The following RANBP2 variants were observed in gnomAD, a reference collection of about 807,000 sequenced individuals.
The protein encoded by RANBP2 is RAN binding protein 2.
Under a neutral mutation model 303.6 loss-of-function variants are expected in RANBP2, and 57 were observed. The observed-to-expected ratio is 0.19, with a 90% CI of 0.15 to 0.23. The LOEUF (loss-of-function observed/expected upper bound fraction) is 0.23, where lower values mean the gene tolerates loss of function less well. RANBP2 is among the 10% of genes least tolerant of loss of function. RANBP2 has a pLI of 1.00. For missense variants in RANBP2, 3,138 were observed against 3,780.8 expected (o/e 0.83, Z 4.46); for synonymous variants, 1,167 against 1,301.5 (o/e 0.90, Z 2.23).
chr2:109,332,203 A>C, the RANBP2 span, among the ~76,000 whole-genome samples: 1 of 152,146 alleles, frequency 6.6e-6, no homozygotes, highest in East Asian at 1.9e-4. Flanking sequence ...AAGCTGCCTC[A>C]TGGGACCCCT....
the RANBP2 span, among the ~76,000 whole-genome samples, chr2:109,538,521 C>T: frequency 1.3e-5 from 2 of 152,104 alleles, no homozygotes; most frequent in Non-Finnish European, 2.9e-5. Context: ...AACTTTATGC[C>T]GTGTCTTTTA....
chr2:109,664,834 G>T, the RANBP2 span, among the ~76,000 whole-genome samples: 3 of 151,832 alleles, frequency 2.0e-5, no homozygotes, highest in Non-Finnish European at 2.9e-5. Flanking sequence ...GGAGGCTGAG[G>T]CAGGAGAACT....
At chr2:108,757,421 C>T (rs1007552959) in intron 17 of RANBP2, among the ~76,000 whole-genome samples, 58 of 152,140 alleles carry the variant, frequency 3.8e-4, no homozygotes, top group African/African-American at 1.2e-3. Flanking sequence ...TCCCTGCATC[C>T]GTTTCTCTCA....
chr2:108,848,269 ATATT>A, the RANBP2 span, among the ~76,000 whole-genome samples: 1 of 152,332 alleles, frequency 6.6e-6, no homozygotes. Context: ...GCAATAAGGG[ATATT>A]TATGTGAAAT....
the RANBP2 span, chr2:109,449,522 C>G: frequency 6.2e-7 from 1 of 1,603,418 alleles, no homozygotes; most frequent in Non-Finnish European, 8.5e-7. Context: ...GCCCTGGGCT[C>G]GAGGCCAGCT....
At chr2:109,078,085 TATATA>T in the RANBP2 span, among the ~76,000 whole-genome samples, 79 of 11,434 alleles carry the variant, frequency 6.9e-3, 2 homozygotes, top group South Asian at 0.021. Flanking sequence ...TGAATATATA[TATATA>T]TATATATATA....
At chr2:108,723,497 G>T (rs2149070285) in intron 1 of RANBP2, among the ~76,000 whole-genome samples, 1 of 151,854 alleles carries the variant, frequency 6.6e-6, no homozygotes, top group East Asian at 1.9e-4. Context: ...GGATAGTCTC[G>T]ATCTCCTGAC....
At chr2:108,935,937 T>C in the RANBP2 span, among the ~76,000 whole-genome samples, 4 of 152,188 alleles carry the variant, frequency 2.6e-5, no homozygotes, top group African/African-American at 9.7e-5. Flanking sequence ...CCTTCACCCT[T>C]GGTGGTGTGG....
At chr2:109,060,324 C>G in the RANBP2 span, among the ~76,000 whole-genome samples, 1 of 152,172 alleles carries the variant, frequency 6.6e-6, no homozygotes, top group Non-Finnish European at 1.5e-5. Context: ...ACTCGATCTC[C>G]TGGAGTCCTT....
chr2:109,430,184 T>A, the RANBP2 span, among the ~76,000 whole-genome samples: 1 of 152,222 alleles, frequency 6.6e-6, no homozygotes, highest in Non-Finnish European at 1.5e-5. Flanking sequence ...CTGAGTTGCA[T>A]ACTGTTGCCC....
At chr2:109,053,926 G>A in the RANBP2 span, among the ~76,000 whole-genome samples, 1 of 152,170 alleles carries the variant, frequency 6.6e-6, no homozygotes, top group East Asian at 1.9e-4. Context: ...AGTCCAGAGG[G>A]CACCAGGGGC....
the RANBP2 span, among the ~76,000 whole-genome samples, chr2:109,402,527 C>T: frequency 6.6e-6 from 1 of 152,238 alleles, no homozygotes; most frequent in Non-Finnish European, 1.5e-5. Flanking sequence ...AGGCCCGCAG[C>T]CCCAGGCTCC....
the RANBP2 span, among the ~76,000 whole-genome samples, chr2:109,627,098 T>TCAC: frequency 6.6e-6 from 1 of 151,994 alleles, no homozygotes; most frequent in African/African-American, 2.4e-5. Context: ...TTCCAAGCTA[T>TCAC]AGTGTGCAAT....
At chr2:108,930,659 G>A in the RANBP2 span, among the ~76,000 whole-genome samples, 2 of 152,164 alleles carry the variant, frequency 1.3e-5, no homozygotes, top group Non-Finnish European at 2.9e-5. Context: ...TTTCTTAGCT[G>A]CGCGGCCCCC....
chr2:108,764,826 A>C lies in RANBP2; in HGVS notation c.4287A>C (p.Glu1429Asp), dbSNP rs372284573. 3 of 1,613,978 alleles carry C rather than the reference A, an allele frequency of 1.9e-6. No homozygotes were observed. The highest frequency in any genetic ancestry group is 2.2e-5 in the East Asian group (1 of 44,894). The change falls in exon 20 of 29, where the codon GAA becomes GAC. Residue 1429 changes from glutamate (E) to aspartate (D), a missense_variant. Physicochemically the swap from Glu to Asp is conservative, Grantham distance 45. Coordinates refer to ENST00000283195, the MANE Select transcript of RANBP2 (RefSeq NM_006267.5). ...WDCSICLVRN[E>D]PTVSRCIACQ... is the part of the protein sequence containing the mutation. ...GTAGTATTTGTTTAGTAAGAAATGA[A>C]CCTACTGTATCTAGGTGCATTGCGT...
the RANBP2 span, among the ~76,000 whole-genome samples, chr2:109,039,909 C>G: frequency 6.6e-6 from 1 of 151,658 alleles, no homozygotes; most frequent in African/African-American, 2.4e-5. Context: ...AAATGTATTC[C>G]CTTGCAGCTT....
At chr2:108,902,807 G>C in the RANBP2 span, among the ~76,000 whole-genome samples, 3 of 152,148 alleles carry the variant, frequency 2.0e-5, no homozygotes. Flanking sequence ...ACTTAATGGT[G>C]AAAAATGGAA....
the RANBP2 span, chr2:109,614,273 T>A: frequency 1.5e-5 from 9 of 588,276 alleles, no homozygotes; most frequent in African/African-American, 1.6e-4. Flanking sequence ...GAAGTGGGCG[T>A]GGCCTGGTGG....
the RANBP2 span, among the ~76,000 whole-genome samples, chr2:109,514,991 C>T: frequency 1.3e-5 from 2 of 151,582 alleles, no homozygotes; most frequent in Admixed American, 6.6e-5. Flanking sequence ...ATGGAGCCAA[C>T]CACATCTGCC....
Sources: allele counts gnomAD v4.1 joint callset (sites outside exome capture counted in the v4.1 genomes callset), GRCh38; gene constraint gnomAD v4.1.1; transcripts MANE v1.5; gene names NCBI Gene and HGNC (gene_info 2026-07-23, HGNC 2026-07-21).